The following EYS variants were observed in gnomAD, a reference collection of about 807,000 sequenced individuals.
EYS encodes the protein EGF-like photoreceptor maintenance factor, also known as protein eyes shut homolog.
In EYS, 250 loss-of-function variants were observed where a neutral mutation model predicts 282.1. The observed-to-expected ratio is 0.89, with a 90% CI of 0.80 to 0.98. The LOEUF (loss-of-function observed/expected upper bound fraction) is 0.98. EYS is among the 50% of genes least tolerant of loss of function. The pLI is 0.00. For synonymous variants in EYS, 1,355 were observed against 1,282.9 expected, an observed-to-expected ratio of 1.06 and a Z score of -1.20; for missense variants, 4,016 against 3,709.0, an observed-to-expected ratio of 1.08 and a Z score of -2.15.
At chr6:64,554,842 G>A (rs2149807986) in intron 26 of EYS, among the ~76,000 whole-genome samples, 1 of 152,100 alleles carries the variant, frequency 6.6e-6, no homozygotes, top group East Asian at 1.9e-4. Flanking sequence ...ACAGCTGTTA[G>A]AATGGCTACT....
chr6:64,763,628 A>C (rs1346963517), intron 22 of EYS, among the ~76,000 whole-genome samples: 1 of 152,180 alleles, frequency 6.6e-6, no homozygotes, highest in Non-Finnish European at 1.5e-5. Context: ...ATTTCAAAAT[A>C]CAATCAAGCC....
chr6:64,546,011 G>GA (rs1172034457), intron 26 of EYS, among the ~76,000 whole-genome samples: 2 of 152,070 alleles, frequency 1.3e-5, no homozygotes, highest in East Asian at 1.9e-4. Context: ...CACAGAATTG[G>GA]AAAAAACTAC....
chr6:63,921,558 T>C (rs1270516388), intron 35 of EYS, among the ~76,000 whole-genome samples: 1 of 152,238 alleles, frequency 6.6e-6, no homozygotes, highest in Non-Finnish European at 1.5e-5. Flanking sequence ...CGCTGACGCA[T>C]CTGTGACTCG....
At chr6:64,137,044 A>G (rs887326226) in intron 31 of EYS, among the ~76,000 whole-genome samples, 17 of 152,174 alleles carry the variant, frequency 1.1e-4, no homozygotes, top group Non-Finnish European at 1.6e-4. Flanking sequence ...TTCATCAATG[A>G]TCTTAGATAC....
At chr6:65,250,006 C>T (rs568249341) in intron 12 of EYS, among the ~76,000 whole-genome samples, 60 of 151,972 alleles carry the variant, frequency 3.9e-4, no homozygotes, top group African/African-American at 1.4e-3. Context: ...GCATTGGGCC[C>T]GGATTTAACA....
chr6:64,966,958 G>GT (rs1770115039), intron 14 of EYS, among the ~76,000 whole-genome samples: 1 of 151,992 alleles, frequency 6.6e-6, no homozygotes, highest in Admixed American at 6.6e-5. Context: ...ATATACAAAG[G>GT]TAGCCCTCCA....
intron 24 of EYS, among the ~76,000 whole-genome samples, chr6:64,599,961 G>A (rs1156500302): frequency 6.6e-6 from 1 of 151,998 alleles, no homozygotes; most frequent in African/African-American, 2.4e-5. Flanking sequence ...TTAAGATCTG[G>A]GCAAAACAGT....
chr6:65,142,659 A>T (rs564127866), intron 12 of EYS, among the ~76,000 whole-genome samples: 43 of 136,906 alleles, frequency 3.1e-4, no homozygotes, highest in Admixed American at 3.6e-4. Context: ...TTCCAAATTT[A>T]AAAAAAAAAA....
At chr6:64,745,976 G>A (rs1416553403) in intron 22 of EYS, among the ~76,000 whole-genome samples, 2 of 152,032 alleles carry the variant, frequency 1.3e-5, no homozygotes, top group Non-Finnish European at 2.9e-5. Flanking sequence ...GTGTACCTTA[G>A]GGAATGCAGA....
chr6:64,550,716 C>A (rs957667978), intron 26 of EYS, among the ~76,000 whole-genome samples: 12 of 152,152 alleles, frequency 7.9e-5, no homozygotes, highest in Non-Finnish European at 1.5e-4. Flanking sequence ...AAAACCCCAT[C>A]GTCTCAGCCC....
chr6:63,977,036 T>G (rs1357391000), intron 35 of EYS, among the ~76,000 whole-genome samples: 1 of 151,468 alleles, frequency 6.6e-6, no homozygotes, highest in Non-Finnish European at 1.5e-5. Context: ...GAGACCAGAG[T>G]TTTATTATTA....
intron 31 of EYS, among the ~76,000 whole-genome samples, chr6:64,106,117 C>A (rs1240420333): frequency 6.6e-6 from 1 of 151,954 alleles, no homozygotes; most frequent in Non-Finnish European, 1.5e-5. Flanking sequence ...TGCCTTTGTC[C>A]TTTGCTCCTA....
intron 1 of EYS, among the ~76,000 whole-genome samples, chr6:65,679,329 T>A (rs1256592635): frequency 6.6e-6 from 1 of 151,966 alleles, no homozygotes; most frequent in East Asian, 1.9e-4. Flanking sequence ...TGTATGTAAG[T>A]GTATGTATAA....
At chr6:65,513,332 T>C (rs571171805) in intron 2 of EYS, among the ~76,000 whole-genome samples, 69 of 152,186 alleles carry the variant, frequency 4.5e-4, no homozygotes, top group Middle Eastern at 6.8e-3. Context: ...CAGGACCAGA[T>C]GGATTCACAG....
intron 29 of EYS, among the ~76,000 whole-genome samples, chr6:64,343,889 C>A (rs1458909799): frequency 6.6e-6 from 1 of 152,026 alleles, no homozygotes; most frequent in Non-Finnish European, 1.5e-5. Flanking sequence ...CCACTGATCC[C>A]ACAGAAATAC....
intron 12 of EYS, among the ~76,000 whole-genome samples, chr6:65,251,012 T>A (rs1456428234): frequency 3.4e-4 from 19 of 55,664 alleles, no homozygotes; most frequent in South Asian, 4.4e-4. Flanking sequence ...ATCCGGAAAA[T>A]AGATAAGAAA....
intron 36 of EYS, among the ~76,000 whole-genome samples, chr6:63,846,248 C>G (rs1031925441): frequency 5.3e-5 from 8 of 152,140 alleles, no homozygotes; most frequent in Non-Finnish European, 1.2e-4. Flanking sequence ...ACTCACTCAG[C>G]AGGGCAGCCA....
In EYS at chr6:64,722,990, A is replaced by G. The variant is rs1771631650; in HGVS notation, c.3443+90388T>C. ...ACATTCTTAATACTTTTAGGTCAGT[A>G]TATCTGTAGCAGCAACCCCTTATGT... On this transcript the variant is annotated intron_variant, in intron 22 of 42. Transcript: ENST00000503581. Among the ~76,000 whole-genome samples the G allele has an allele frequency of 3.3e-5, 5 of 152,036 alleles. No individual in the cohort carries two copies. The South Asian group carries it at 1.0e-3, about 31-fold the overall frequency.
At chr6:65,617,645 G>A (rs1766256627) in intron 2 of EYS, among the ~76,000 whole-genome samples, 1 of 151,204 alleles carries the variant, frequency 6.6e-6, no homozygotes. Flanking sequence ...CTGGTGCGCT[G>A]CACCCACTAA....
Sources: gnomAD v4.1 joint callset for allele counts (sites outside exome capture counted in the v4.1 genomes callset) on GRCh38, gnomAD v4.1.1 for gene constraint, MANE v1.5 for transcripts, NCBI Gene and HGNC (gene_info 2026-07-23, HGNC 2026-07-21) for gene names.